TUSC3: variants seen among roughly 807,000 people sequenced by gnomAD.
TUSC3 encodes tumor suppressor candidate 3.
TUSC3 carries 45 observed loss-of-function variants against 44.8 expected under a neutral mutation model. The ratio of observed to expected loss-of-function variants is 1.00; its 90% CI spans 0.79 to 1.29. TUSC3 has a LOEUF of 1.29. Among genes scored for constraint, TUSC3 ranks in the 50% most tolerant of loss-of-function variants. TUSC3 has a pLI of 0.00. For synonymous variants in TUSC3, 212 were observed against 152.9 expected, an observed-to-expected ratio of 1.39 and a Z score of -2.85; for missense variants, 519 against 437.9, an observed-to-expected ratio of 1.19 and a Z score of -1.65.
chr8:15,632,933 G>A (rs1055245567), intron 2 of TUSC3, among the ~76,000 whole-genome samples: 4 of 152,194 alleles, frequency 2.6e-5, no homozygotes, highest in South Asian at 4.2e-4. Context: ...GTTCTCTGCC[G>A]TGGAACTGTA....
At chr8:15,502,898 C>G (rs982255498) in intron 2 of TUSC3, among the ~76,000 whole-genome samples, 1 of 152,142 alleles carries the variant, frequency 6.6e-6, no homozygotes, top group Non-Finnish European at 1.5e-5. Flanking sequence ...CATTTTACTC[C>G]TTACATGTTT....
intron 1 of TUSC3, among the ~76,000 whole-genome samples, chr8:15,454,453 C>T (rs1402850924): frequency 6.6e-6 from 1 of 152,160 alleles, no homozygotes; most frequent in Non-Finnish European, 1.5e-5. Flanking sequence ...AGACGTAGAC[C>T]AATAGGTTAT....
chr8:15,841,114 C>T, the TUSC3 span, among the ~76,000 whole-genome samples: 1 of 151,950 alleles, frequency 6.6e-6, no homozygotes, highest in East Asian at 1.9e-4. Context: ...GCCACGTAGC[C>T]AGTATCCAAA....
intron 1 of TUSC3, among the ~76,000 whole-genome samples, chr8:15,435,257 G>A (rs1799931412): frequency 6.6e-6 from 1 of 151,936 alleles, no homozygotes; most frequent in Admixed American, 6.6e-5. Flanking sequence ...ATCTCATTGT[G>A]GTTTTGATTT....
intron 1 of TUSC3, among the ~76,000 whole-genome samples, chr8:15,456,783 AGAG>A (rs1800262407): frequency 1.3e-5 from 2 of 152,140 alleles, no homozygotes. Flanking sequence ...GAGAAGGAGA[AGAG>A]GAGGAGGAAA....
chr8:15,473,025 A>C (rs1017642466), intron 1 of TUSC3, among the ~76,000 whole-genome samples: 1 of 152,206 alleles, frequency 6.6e-6, no homozygotes, highest in African/African-American at 2.4e-5. Flanking sequence ...CCTAACCCAG[A>C]ATCCTTAACA....
At chr8:15,784,916 C>T in the TUSC3 span, among the ~76,000 whole-genome samples, 1 of 151,756 alleles carries the variant, frequency 6.6e-6, no homozygotes, top group Non-Finnish European at 1.5e-5. Context: ...ATTCTCATTA[C>T]AAAGAAATAA....
chr8:15,542,991 C>T (rs1014480773), intron 1 of TUSC3, among the ~76,000 whole-genome samples: 1 of 152,206 alleles, frequency 6.6e-6, no homozygotes, highest in African/African-American at 2.4e-5. Flanking sequence ...CTCTGAAATA[C>T]AGGCCATTCC....
intron 1 of TUSC3, among the ~76,000 whole-genome samples, chr8:15,584,486 T>C (rs1049033049): frequency 6.6e-6 from 1 of 152,192 alleles, no homozygotes; most frequent in Non-Finnish European, 1.5e-5. Flanking sequence ...GTACATCCTT[T>C]TCAGAGACTC....
chr8:15,523,223 G>C (rs1801321845), intron 2 of TUSC3, among the ~76,000 whole-genome samples: 1 of 152,090 alleles, frequency 6.6e-6, no homozygotes, highest in Non-Finnish European at 1.5e-5. Flanking sequence ...TCTGAGTTGA[G>C]GTATTGCCCA....
At chr8:15,752,241 A>G (rs1191911189) in intron 9 of TUSC3, among the ~76,000 whole-genome samples, 2 of 152,104 alleles carry the variant, frequency 1.3e-5, no homozygotes, top group African/African-American at 4.8e-5. Flanking sequence ...AGGGTATTTC[A>G]TGAGCCGAAA....
intron 3 of TUSC3, among the ~76,000 whole-genome samples, chr8:15,657,734 A>T (rs1161780744): frequency 6.6e-6 from 1 of 151,780 alleles, no homozygotes; most frequent in Non-Finnish European, 1.5e-5. Context: ...AAACCATTTC[A>T]CCTTTCCAGG....
At chr8:15,805,216 T>C in the TUSC3 span, among the ~76,000 whole-genome samples, 1 of 152,142 alleles carries the variant, frequency 6.6e-6, no homozygotes, top group Admixed American at 6.6e-5. Context: ...TTTATCAGGA[T>C]CCAGGAGTCT....
chr8:15,564,976 A>G (rs1049107335), intron 1 of TUSC3, among the ~76,000 whole-genome samples: 9 of 152,176 alleles, frequency 5.9e-5, no homozygotes, highest in Admixed American at 5.9e-4. Context: ...AGCATTGTTC[A>G]GGGAAGTCCA....
intron 1 of TUSC3, among the ~76,000 whole-genome samples, chr8:15,557,044 A>G (rs1371444823): frequency 6.4e-5 from 8 of 124,222 alleles, no homozygotes; most frequent in Non-Finnish European, 1.0e-4. Context: ...TTTTGTTGCC[A>G]TTGCTTTTGG....
At chr8:15,659,115 C>CT (rs1203566451) in intron 3 of TUSC3, among the ~76,000 whole-genome samples, 7 of 152,058 alleles carry the variant, frequency 4.6e-5, no homozygotes, top group Non-Finnish European at 7.4e-5. Flanking sequence ...AATTCCAGTA[C>CT]TTTTTAAAAA....
chr8:15,660,831 C>G (rs1487642123), intron 4 of TUSC3, among the ~76,000 whole-genome samples: 3 of 148,258 alleles, frequency 2.0e-5, no homozygotes, highest in African/African-American at 7.5e-5. Flanking sequence ...ATAAGAAATA[C>G]TAAATTTTAA....
At chr8:15,526,967 G>T (rs758802142) in intron 2 of TUSC3, among the ~76,000 whole-genome samples, 21 of 152,166 alleles carry the variant, frequency 1.4e-4, no homozygotes, top group Admixed American at 3.9e-4. Flanking sequence ...AAAGGATTAA[G>T]TGTATTTTTT....
At chr8:15,502,324 G>A (rs1157971215) in intron 2 of TUSC3, among the ~76,000 whole-genome samples, 1 of 152,084 alleles carries the variant, frequency 6.6e-6, no homozygotes, top group South Asian at 2.1e-4. Flanking sequence ...TTTTTTTGAA[G>A]TTCAATTATA....
Sources: allele counts gnomAD v4.1 joint callset (sites outside exome capture counted in the v4.1 genomes callset), GRCh38; gene constraint gnomAD v4.1.1; transcripts MANE v1.5; gene names NCBI Gene and HGNC (gene_info 2026-07-23, HGNC 2026-07-21).